ASB4: variants seen among roughly 807,000 people sequenced by gnomAD.
ASB4 encodes ankyrin repeat and SOCS box protein 4.
A neutral mutation model predicts 38.6 loss-of-function variants in ASB4; 35 were observed. That is an observed-to-expected ratio of 0.91 (90% CI 0.69 to 1.20). The LOEUF is 1.20. ASB4 is among the 50% of genes most tolerant of loss of function. The probability of loss-of-function intolerance (pLI) is 0.00; values close to 1 mark genes in which losing one functional copy is unlikely to be tolerated. For synonymous variants in ASB4, 195 were observed against 201.3 expected (o/e 0.97, Z 0.26); for missense variants, 557 against 527.2 (o/e 1.06, Z -0.55).
chr7:95,485,443 C>G (rs1244712293), upstream of ASB4, among the ~76,000 whole-genome samples: 1 of 152,108 alleles, frequency 6.6e-6, no homozygotes, highest in Non-Finnish European at 1.5e-5. Flanking sequence ...TTGAAAACCT[C>G]CTGTTTGTCT....
At chr7:95,511,145 C>T (rs549983854) in intron 2 of ASB4, among the ~76,000 whole-genome samples, 34 of 152,236 alleles carry the variant, frequency 2.2e-4, no homozygotes, top group Middle Eastern at 3.4e-3. Context: ...AAGAATCAAG[C>T]ACATGCCAGC....
At chr7:95,513,105 G>GT (rs1193060031) in intron 2 of ASB4, among the ~76,000 whole-genome samples, 1 of 152,036 alleles carries the variant, frequency 6.6e-6, no homozygotes, top group African/African-American at 2.4e-5. Flanking sequence ...ACCCACCATT[G>GT]TTAGCTTTGA....
Position 95,539,434 on chromosome 7 carries a change from T to C in ASB4, c.*1675T>C, listed in dbSNP as rs1457456658. On this transcript the variant is annotated 3_prime_UTR_variant, in exon 5 of 5. Transcript: ENST00000325885. ...ACTCAGATATTTTGGTGGAGATATT[T>C]TGTACTAAAACAAGATCTATATCAT... The C allele has an allele frequency of 1.3e-5, 2 of 152,204 alleles. No individual in the cohort carries two copies. The highest frequency in any genetic ancestry group is 4.8e-5 in the African/African-American group (2 of 41,450). 9.4% of individuals were successfully genotyped at this position (152,204 alleles called of 1,614,324 possible). A position where few individuals can be genotyped will look rare whatever the true frequency, so the allele number is the denominator to read the frequency against.
intron 2 of ASB4, among the ~76,000 whole-genome samples, chr7:95,515,237 TTC>T (rs780660450): frequency 4.9e-5 from 7 of 143,346 alleles, no homozygotes; most frequent in Non-Finnish European, 1.1e-4. Context: ...TTCTTTTTCT[TTC>T]TTTCTTTCTT....
At chr7:95,505,174 G>A (rs572638933) in intron 2 of ASB4, among the ~76,000 whole-genome samples, 42 of 152,246 alleles carry the variant, frequency 2.8e-4, no homozygotes, top group African/African-American at 7.9e-4. Flanking sequence ...CAAAATGGCC[G>A]TTATTTAAAA....
At chr7:95,484,955 CAT>C (rs34109833), upstream of ASB4, among the ~76,000 whole-genome samples, 14,099 of 149,702 alleles carry the variant, frequency 0.094, 1,009 homozygotes, top group East Asian at 0.36. Flanking sequence ...TTTACACACA[CAT>C]ATATATATGT....
rs1289178785 is a variant in ASB4, at chr7:95,490,609, A to T, written c.187+4451A>T. On this transcript the variant is annotated intron_variant, in intron 1 of 4. Coordinates refer to ENST00000325885, the MANE Select transcript of ASB4 (RefSeq NM_016116.3). The stretch of plus-strand genomic sequence containing the variant: ...GTGGGGTTCTTTTGACTCAGATAAC[A>T]TTATAGTTGATAACTGTTGCAGAGC... Among the ~76,000 whole-genome samples, 3 of 152,350 alleles carry T rather than the reference A, an allele frequency of 2.0e-5. No homozygotes were observed. In the East Asian group the frequency reaches 5.8e-4, roughly 29 times the overall value.
At chr7:95,500,618 G>A (rs1039809586) in intron 2 of ASB4, among the ~76,000 whole-genome samples, 2 of 147,250 alleles carry the variant, frequency 1.4e-5, no homozygotes, top group African/African-American at 5.0e-5. Flanking sequence ...TTCAACCTGC[G>A]GAAATGAAGG....
At chr7:95,532,698 A>C (rs2375019) in intron 3 of ASB4, among the ~76,000 whole-genome samples, 1 of 152,020 alleles carries the variant, frequency 6.6e-6, no homozygotes. Context: ...GAGAGGCAGG[A>C]AGACTTACCT....
At chr7:95,485,079 C>T (rs1790070572), upstream of ASB4, among the ~76,000 whole-genome samples, 1 of 148,658 alleles carries the variant, frequency 6.7e-6, no homozygotes, top group African/African-American at 2.6e-5. Flanking sequence ...TATACACATA[C>T]ACACACATCT....
chr7:95,499,263 C>T (rs558446596), intron 2 of ASB4, among the ~76,000 whole-genome samples: 24 of 152,214 alleles, frequency 1.6e-4, no homozygotes, highest in East Asian at 9.6e-4. Context: ...TCAATGGAAT[C>T]GCCTGGATAA....
chr7:95,546,484 T>C, the ASB4 span, among the ~76,000 whole-genome samples: 2 of 152,196 alleles, frequency 1.3e-5, no homozygotes, highest in South Asian at 2.1e-4. Context: ...CTGTATCTTA[T>C]TTTGATATTA....
the ASB4 span, among the ~76,000 whole-genome samples, chr7:95,549,049 T>C: frequency 6.6e-6 from 1 of 152,150 alleles, no homozygotes; most frequent in Non-Finnish European, 1.5e-5. Flanking sequence ...ACCATTATGC[T>C]ATCCTGTTTC....
At chr7:95,488,124 G>A (rs980389044) in intron 1 of ASB4, among the ~76,000 whole-genome samples, 2 of 152,162 alleles carry the variant, frequency 1.3e-5, no homozygotes, top group African/African-American at 2.4e-5. Flanking sequence ...GGCTGATCAC[G>A]AGGTCAGGAG....
In ASB4 at chr7:95,524,697, G is replaced by A. The variant is rs574935176; in HGVS notation, c.488-3116G>A. 1.2e-4 allele frequency among the ~76,000 whole-genome samples: 19 copies of A among 152,298 alleles called. 1 individual carries two copies. In the South Asian group the frequency reaches 3.5e-3, roughly 28 times the overall value. Reference sequence around the variant, plus strand: ...CTTAAGTTATGTTAAAATCATACTAGAGTAAGGTTGTTCCCTATTGCAGTA... The same window carrying A: ...CTTAAGTTATGTTAAAATCATACTAAAGTAAGGTTGTTCCCTATTGCAGTA... On this transcript the variant is annotated intron_variant, in intron 2 of 4. Transcript: ENST00000325885.
upstream of ASB4, among the ~76,000 whole-genome samples, chr7:95,475,439 A>G (rs1031146552): frequency 1.3e-5 from 2 of 152,140 alleles, no homozygotes; most frequent in African/African-American, 2.4e-5. Flanking sequence ...GCTGGAGTGC[A>G]GTGGCTCAAT....
chr7:95,495,640 C>A, intron 1 of ASB4, 118 bp from the exon 2 acceptor site: 1 of 1,012,854 alleles, frequency 9.9e-7, no homozygotes, highest in Non-Finnish European at 1.4e-6. Context: ...CATCCCCTCT[C>A]CACCCCACTT....
At chr7:95,549,210 C>T in the ASB4 span, among the ~76,000 whole-genome samples, 2 of 151,728 alleles carry the variant, frequency 1.3e-5, no homozygotes, top group South Asian at 2.1e-4. Context: ...CAGTGCTAGA[C>T]CATATTAAGA....
intron 2 of ASB4, among the ~76,000 whole-genome samples, chr7:95,515,163 C>CTCTCTCTT (rs1160348342): frequency 7.7e-6 from 1 of 129,736 alleles, no homozygotes; most frequent in African/African-American, 3.0e-5. Flanking sequence ...CTTTCTTTCT[C>CTCTCTCTT]TTTCTCTTTC....
Sources: allele counts gnomAD v4.1 joint callset (sites outside exome capture counted in the v4.1 genomes callset), GRCh38; gene constraint gnomAD v4.1.1; transcripts MANE v1.5; gene names NCBI Gene and HGNC (gene_info 2026-07-23, HGNC 2026-07-21).